Variants in ACTR3 observed in about 807,000 individuals in gnomAD.
ACTR3 encodes actin-related protein 3.
In ACTR3, 12 loss-of-function variants were observed where a neutral mutation model predicts 56.8. The observed-to-expected ratio is 0.21, with a 90% CI of 0.14 to 0.34. ACTR3 has a LOEUF of 0.34. ACTR3 is among the 10% of genes least tolerant of loss of function. ACTR3 has a pLI of 1.00. For missense variants in ACTR3, 282 were observed against 512.5 expected, an observed-to-expected ratio of 0.55 and a Z score of 4.34; for synonymous variants, 162 against 167.4, an observed-to-expected ratio of 0.97 and a Z score of 0.25.
At chr2:113,892,437 T>C (rs913073802) in intron 1 of ACTR3, among the ~76,000 whole-genome samples, 1 of 152,242 alleles carries the variant, frequency 6.6e-6, no homozygotes, top group Non-Finnish European at 1.5e-5. Context: ...CACTCTCTTT[T>C]ACCATTTGTC....
In ACTR3 at chr2:113,961,897, C is replaced by T. The variant is rs1200672708; in HGVS notation, c.*4442C>T. 6.6e-6 allele frequency: 1 copy of T among 151,860 alleles called. No homozygotes were observed. Among genetic ancestry groups the T allele is most frequent in the Non-Finnish European group, 1.5e-5 (1 of 67,878 alleles). 9.4% of individuals were successfully genotyped at this position (151,860 alleles called of 1,614,324 possible). On this transcript the variant is annotated 3_prime_UTR_variant, in exon 12 of 12. Transcript: ENST00000263238. ...CTATTGTTTAAAAATTAGTACTTTG[C>T]TCCTAAAATTTTTACCTAAGTGTTA...
Position 113,925,526 on chromosome 2 carries a change from G to A in ACTR3, c.226-1819G>A, listed in dbSNP as rs192671200. ...TTTATTTTTTTTAAAAACCTGTAGT[G>A]TAATATTTGTTCGTATATATTTCTT... On this transcript the variant is annotated intron_variant, in intron 3 of 11. Coordinates refer to ENST00000263238, the MANE Select transcript of ACTR3 (RefSeq NM_005721.5). Among the ~76,000 whole-genome samples the A allele has an allele frequency of 5.9e-5, 9 of 152,250 alleles. No homozygotes were observed. The East Asian group carries it at 7.7e-4, about 13-fold the overall frequency.
At chr2:113,956,152 A>G (rs1472540214) in intron 11 of ACTR3, among the ~76,000 whole-genome samples, 1 of 151,962 alleles carries the variant, frequency 6.6e-6, no homozygotes, top group African/African-American at 2.4e-5. Flanking sequence ...TCAGCCTCCC[A>G]AAGAGCGCTG....
chr2:113,948,264 C>G (rs1680057453), intron 8 of ACTR3, among the ~76,000 whole-genome samples: 1 of 152,272 alleles, frequency 6.6e-6, no homozygotes. Flanking sequence ...ATCCTCTCAC[C>G]TCAGACTCCC....
At chr2:113,927,032 CTT>C (rs1184902866) in intron 3 of ACTR3, among the ~76,000 whole-genome samples, 6 of 152,126 alleles carry the variant, frequency 3.9e-5, no homozygotes, top group Non-Finnish European at 5.9e-5. Context: ...TGTAGGCTAA[CTT>C]ATCCTTTTAT....
In ACTR3 at chr2:113,958,516, A is replaced by T. The variant is rs1680264712; in HGVS notation, c.*1061A>T. 1 of 152,480 alleles carries T rather than the reference A, an allele frequency of 6.6e-6. No individual in the cohort carries two copies. The highest frequency in any genetic ancestry group is 1.5e-5 in the Non-Finnish European group (1 of 67,952). 9.4% of individuals were successfully genotyped at this position (152,480 alleles called of 1,614,324 possible). A position where few individuals can be genotyped will look rare whatever the true frequency, so the allele number is the denominator to read the frequency against. On this transcript the variant is annotated 3_prime_UTR_variant, in exon 12 of 12. Coordinates refer to ENST00000263238, the MANE Select transcript of ACTR3 (RefSeq NM_005721.5). Reference sequence around the variant, plus strand: ...GCCAGTCCCTGAACATATCATTGAAAGTTAATTTTCTTTGCATTTTAAAAT... The same window carrying T: ...GCCAGTCCCTGAACATATCATTGAATGTTAATTTTCTTTGCATTTTAAAAT...
chr2:113,915,002 T>C (rs1222724521), intron 2 of ACTR3, among the ~76,000 whole-genome samples: 3 of 152,250 alleles, frequency 2.0e-5, no homozygotes, highest in Non-Finnish European at 4.4e-5. Flanking sequence ...GTTGATTGTT[T>C]TTTGTCTGTT....
chr2:113,904,496 CTT>C (rs1473915672), intron 1 of ACTR3: 1 of 152,070 alleles, frequency 6.6e-6, no homozygotes, highest in Non-Finnish European at 1.5e-5. Context: ...TATTCGTTCT[CTT>C]GTTAAACATT....
chr2:113,942,608 G>C (rs1444986000), intron 8 of ACTR3, among the ~76,000 whole-genome samples: 1 of 151,870 alleles, frequency 6.6e-6, no homozygotes, highest in Non-Finnish European at 1.5e-5. Context: ...TTATGGGGGG[G>C]TCATGAAAAG....
At chr2:113,949,604 C>T (rs1680085218) in intron 8 of ACTR3, among the ~76,000 whole-genome samples, 2 of 152,040 alleles carry the variant, frequency 1.3e-5, no homozygotes, top group Admixed American at 6.6e-5. Context: ...CTCTGTCACC[C>T]AGGCTGGAGT....
At chr2:113,895,118 C>T (rs547377069) in intron 1 of ACTR3, among the ~76,000 whole-genome samples, 7 of 126,932 alleles carry the variant, frequency 5.5e-5, no homozygotes, top group African/African-American at 2.1e-4. Flanking sequence ...TGTTACTTTG[C>T]TTAAATTTAA....
intron 8 of ACTR3, among the ~76,000 whole-genome samples, chr2:113,943,502 G>A (rs924133122): frequency 6.6e-6 from 1 of 152,168 alleles, no homozygotes; most frequent in Non-Finnish European, 1.5e-5. Flanking sequence ...GGTTACTCTC[G>A]CAGCATTGGT....
chr2:113,915,858 G>C (rs1437896709), intron 2 of ACTR3, among the ~76,000 whole-genome samples: 1 of 152,158 alleles, frequency 6.6e-6, no homozygotes, highest in Non-Finnish European at 1.5e-5. Flanking sequence ...CACCCACCCA[G>C]TTTTAATGCT....
At chr2:113,941,180 A>T (rs1305414162) in intron 7 of ACTR3, among the ~76,000 whole-genome samples, 2 of 152,192 alleles carry the variant, frequency 1.3e-5, no homozygotes, top group African/African-American at 2.4e-5. Context: ...CTTCCTAGGT[A>T]GTAAATTAGT....
intron 8 of ACTR3, among the ~76,000 whole-genome samples, chr2:113,942,989 C>G (rs973653218): frequency 4.6e-5 from 7 of 152,284 alleles, no homozygotes; most frequent in Admixed American, 2.6e-4. Context: ...TTTGTTTATT[C>G]ACTCAGCAAA....
chr2:113,955,625 A>C lies in ACTR3; in HGVS notation c.1080A>C (p.Pro360=), dbSNP rs750220598. The C allele has an allele frequency of 1.2e-6, 2 of 1,610,272 alleles. No individual in the cohort carries two copies. The highest frequency in any genetic ancestry group is 4.5e-5 in the East Asian group (2 of 44,738). ...SEELSGGRLK[P]KPIDVQVITH... Reference sequence around the variant, plus strand: ...GATCATACTATGTCTTTCTTTAGCCAAAACCTATTGATGTACAAGTCATTA... The same window carrying C: ...GATCATACTATGTCTTTCTTTAGCCCAAACCTATTGATGTACAAGTCATTA... The change falls in exon 11 of 12, where the codon CCA becomes CCC. Residue 360 remains proline (P), a splice_region_variant and synonymous_variant. Coordinates refer to ENST00000263238, the MANE Select transcript of ACTR3 (RefSeq NM_005721.5).
intron 1 of ACTR3, among the ~76,000 whole-genome samples, chr2:113,909,560 T>C (rs933855361): frequency 6.6e-6 from 1 of 151,872 alleles, no homozygotes; most frequent in Non-Finnish European, 1.5e-5. Flanking sequence ...GTTAAAATGA[T>C]CAGGAAAGAC....
At chr2:113,939,649 A>T (rs1005502942) in intron 6 of ACTR3, among the ~76,000 whole-genome samples, 5 of 152,246 alleles carry the variant, frequency 3.3e-5, no homozygotes, top group African/African-American at 1.2e-4. Flanking sequence ...TAAATGATTT[A>T]AAAATAGTAC....
Position 113,902,377 on chromosome 2 carries a change from T to C in ACTR3, c.45-10795T>C, listed in dbSNP as rs186243708. Among the ~76,000 whole-genome samples the C allele has an allele frequency of 1.6e-4, 25 of 151,880 alleles. 1 individual carries two copies. The East Asian group carries it at 3.1e-3, about 19-fold the overall frequency. ...CAAGTTGTTTTTCTTTTTTTTTTTA[T>C]GTAAAATGATGTATTATATATTTTA... On this transcript the variant is annotated intron_variant, in intron 1 of 11. Transcript: ENST00000263238.
Sources: gnomAD v4.1 joint callset for allele counts (sites outside exome capture counted in the v4.1 genomes callset) on GRCh38, gnomAD v4.1.1 for gene constraint, MANE v1.5 for transcripts, NCBI Gene and HGNC (gene_info 2026-07-23, HGNC 2026-07-21) for gene names.